Variants in DOCK2 observed in about 807,000 individuals in gnomAD.
DOCK2 encodes the protein dedicator of cytokinesis protein 2.
In DOCK2, 87 loss-of-function variants were observed where a neutral mutation model predicts 248.9. That is an observed-to-expected ratio of 0.35 (90% CI 0.29 to 0.42). The LOEUF (loss-of-function observed/expected upper bound fraction) is 0.42. Among genes scored for constraint, DOCK2 ranks in the 10% least tolerant of loss-of-function variants. DOCK2 has a pLI of 1.00. For synonymous variants in DOCK2, 805 were observed against 821.6 expected, an observed-to-expected ratio of 0.98 and a Z score of 0.35; for missense variants, 1,747 against 2,300.2, an observed-to-expected ratio of 0.76 and a Z score of 4.92.
chr5:170,078,421 G>A (rs1757914787), intron 48 of DOCK2, among the ~76,000 whole-genome samples: 1 of 152,124 alleles, frequency 6.6e-6, no homozygotes, highest in South Asian at 2.1e-4. Flanking sequence ...GTTCTAGGGG[G>A]CATCATTCAC....
At chr5:169,702,991 T>C (rs1761069779) in intron 14 of DOCK2, among the ~76,000 whole-genome samples, 1 of 152,214 alleles carries the variant, frequency 6.6e-6, no homozygotes, top group Admixed American at 6.5e-5. Flanking sequence ...AGCGCATTGC[T>C]ATATTTATAC....
intron 27 of DOCK2, among the ~76,000 whole-genome samples, chr5:169,854,978 T>G (rs1340361220): frequency 6.6e-6 from 1 of 151,872 alleles, no homozygotes; most frequent in African/African-American, 2.4e-5. Flanking sequence ...AGAGAGGAGG[T>G]GACATTTAAA....
intron 26 of DOCK2, among the ~76,000 whole-genome samples, chr5:169,833,575 G>A (rs994448395): frequency 6.6e-6 from 1 of 152,166 alleles, no homozygotes; most frequent in Non-Finnish European, 1.5e-5. Flanking sequence ...TCAGCTGAGA[G>A]CCTGTTCCAG....
At chr5:169,852,661 T>C (rs577312563) in intron 27 of DOCK2, among the ~76,000 whole-genome samples, 33 of 152,218 alleles carry the variant, frequency 2.2e-4, no homozygotes, top group Non-Finnish European at 3.7e-4. Flanking sequence ...GCTTAACACA[T>C]AGTAGGCCCT....
At chr5:169,643,106 T>G (rs184686937) in intron 1 of DOCK2, among the ~76,000 whole-genome samples, 22 of 152,370 alleles carry the variant, frequency 1.4e-4, no homozygotes, top group African/African-American at 5.3e-4. Flanking sequence ...TTCTCCTTTC[T>G]TCCCCCTTCC....
chr5:169,882,859 G>A, intron 27 of DOCK2: 1 of 1,551,220 alleles, frequency 6.4e-7, no homozygotes, highest in Admixed American at 2.0e-5. Flanking sequence ...AGATTTCGAT[G>A]CACTGTTAGT....
In DOCK2 at chr5:170,081,402, G is replaced by A. The variant is rs572388388; in HGVS notation, c.5288-440G>A. 2.7e-4 allele frequency: 44 copies of A among 161,776 alleles called. 1 individual carries two copies. The Middle Eastern group carries it at 0.032, about 119-fold the overall frequency. 10.0% of individuals were successfully genotyped at this position (161,776 alleles called of 1,614,324 possible). ...TTCATGTCTCTGTGACGCCAAGCTGGGGCTGTAACCACTAGGTCATCTGGC... is the reference window on the plus strand; with the variant it reads ...TTCATGTCTCTGTGACGCCAAGCTGAGGCTGTAACCACTAGGTCATCTGGC... On this transcript the variant is annotated intron_variant, in intron 50 of 51. Coordinates refer to ENST00000520908, the MANE Select transcript of DOCK2 (RefSeq NM_004946.3).
intron 13 of DOCK2, among the ~76,000 whole-genome samples, chr5:169,700,990 G>A (rs543112266): frequency 6.6e-6 from 1 of 152,096 alleles, no homozygotes; most frequent in Non-Finnish European, 1.5e-5. Context: ...TTCCAGACAG[G>A]CCATTTTCAA....
At chr5:169,905,697 C>T (rs906376741) in intron 27 of DOCK2, among the ~76,000 whole-genome samples, 5 of 152,066 alleles carry the variant, frequency 3.3e-5, no homozygotes, top group East Asian at 1.9e-4. Flanking sequence ...TCATACAGCA[C>T]CTCTGGGAGG....
chr5:169,733,692 A>T (rs761651206), intron 22 of DOCK2, among the ~76,000 whole-genome samples: 1 of 152,068 alleles, frequency 6.6e-6, no homozygotes, highest in Non-Finnish European at 1.5e-5. Context: ...CTCGAAAGGA[A>T]GTTTTTCTAG....
At chr5:169,957,945 G>A (rs1218053745) in intron 27 of DOCK2, among the ~76,000 whole-genome samples, 2 of 152,208 alleles carry the variant, frequency 1.3e-5, no homozygotes, top group African/African-American at 4.8e-5. Context: ...GAAGTCCACT[G>A]CGAGGGAGTA....
intron 29 of DOCK2, among the ~76,000 whole-genome samples, chr5:169,994,076 G>T (rs930970295): frequency 7.9e-5 from 12 of 152,170 alleles, no homozygotes; most frequent in African/African-American, 2.9e-4. Context: ...ACAGAAAGCA[G>T]TATTTCAGGG....
intron 2 of DOCK2, among the ~76,000 whole-genome samples, chr5:169,663,704 GT>G (rs1758571671): frequency 1.3e-5 from 2 of 152,244 alleles, no homozygotes; most frequent in South Asian, 4.1e-4. Flanking sequence ...ATAGCTGGAG[GT>G]GGAGTGGCTG....
intron 25 of DOCK2, among the ~76,000 whole-genome samples, chr5:169,800,228 A>G (rs1766883775): frequency 6.6e-6 from 1 of 152,246 alleles, no homozygotes. Flanking sequence ...CTGTTTCCAT[A>G]GAACTGACAC....
chr5:169,858,787 G>T (rs1771023950), intron 27 of DOCK2, among the ~76,000 whole-genome samples: 1 of 152,152 alleles, frequency 6.6e-6, no homozygotes, highest in Non-Finnish European at 1.5e-5. Context: ...AGGATTGCTT[G>T]AGCCAGGAGT....
chr5:170,047,345 T>C (rs1261438219), intron 39 of DOCK2, among the ~76,000 whole-genome samples, 165 bp from the exon 40 acceptor site: 2 of 152,216 alleles, frequency 1.3e-5, no homozygotes, highest in African/African-American at 4.8e-5. Flanking sequence ...ATACTGTAAA[T>C]ATAGCTATTA....
chr5:170,009,026 C>A (rs1396557856), intron 32 of DOCK2, among the ~76,000 whole-genome samples: 1 of 151,920 alleles, frequency 6.6e-6, no homozygotes, highest in Non-Finnish European at 1.5e-5. Flanking sequence ...TAAGAGGGAC[C>A]AGGACTGTCA....
chr5:169,786,608 G>T (rs1276310590), intron 25 of DOCK2, among the ~76,000 whole-genome samples: 1 of 152,132 alleles, frequency 6.6e-6, no homozygotes, highest in African/African-American at 2.4e-5. Flanking sequence ...CTGTCCTGTT[G>T]AGTACCAAGG....
At chr5:169,957,839 C>T (rs1359772700) in intron 27 of DOCK2, among the ~76,000 whole-genome samples, 1 of 152,166 alleles carries the variant, frequency 6.6e-6, no homozygotes, top group Non-Finnish European at 1.5e-5. Flanking sequence ...TCCCCTGCTC[C>T]CCACCTGCAT....
Sources: gnomAD v4.1 joint callset for allele counts (sites outside exome capture counted in the v4.1 genomes callset) on GRCh38, gnomAD v4.1.1 for gene constraint, MANE v1.5 for transcripts, NCBI Gene and HGNC (gene_info 2026-07-23, HGNC 2026-07-21) for gene names.